XXYLT1: variants seen among roughly 807,000 people sequenced by gnomAD.
XXYLT1 encodes UDP-xylose:alpha-xyloside alpha-1,3-xylosyltransferase.
A neutral mutation model predicts 28.9 loss-of-function variants in XXYLT1; 20 were observed. The ratio of observed to expected loss-of-function variants is 0.69; its 90% CI spans 0.49 to 1.00. The LOEUF (loss-of-function observed/expected upper bound fraction) is 1.00. Among genes scored for constraint, XXYLT1 ranks in the 50% least tolerant of loss-of-function variants. The probability of loss-of-function intolerance (pLI) is 0.00; values close to 1 mark genes in which losing one functional copy is unlikely to be tolerated. For synonymous variants in XXYLT1, 257 were observed against 253.8 expected (o/e 1.01, Z -0.12); for missense variants, 542 against 560.1 (o/e 0.97, Z 0.33).
chr3:195,177,166 G>T (rs932787056), intron 2 of XXYLT1, among the ~76,000 whole-genome samples: 3 of 152,202 alleles, frequency 2.0e-5, no homozygotes, highest in African/African-American at 7.2e-5. Flanking sequence ...AGAATCACCT[G>T]CTCCCTTACA....
Position 195,161,173 on chromosome 3 carries a change from G to A in XXYLT1, c.653-4592C>T, listed in dbSNP as rs147881360. 3.5e-4 allele frequency among the ~76,000 whole-genome samples: 53 copies of A among 152,296 alleles called. No individual in the cohort carries two copies. The East Asian group carries it at 8.3e-3, about 24-fold the overall frequency. ...CCATGAACCTCCATCATGTCTCCTC[G>A]AGGTGGTGGTTAGTATCTTCCAGTT... is the stretch of plus-strand genomic sequence containing the variant. On this transcript the variant is annotated intron_variant, in intron 2 of 3. Transcript: ENST00000310380.
intron 2 of XXYLT1, among the ~76,000 whole-genome samples, chr3:195,181,126 G>C (rs1398286246): frequency 1.3e-5 from 2 of 152,200 alleles, no homozygotes; most frequent in East Asian, 3.9e-4. Context: ...TAATTTATTT[G>C]AGAAGTCGGT....
chr3:195,130,967 C>G (rs1289995140), intron 3 of XXYLT1, among the ~76,000 whole-genome samples: 3 of 152,164 alleles, frequency 2.0e-5, no homozygotes, highest in African/African-American at 7.2e-5. Flanking sequence ...GTCTGCTTAG[C>G]CTGAGACCTG....
rs1313895134 is a variant in XXYLT1, at chr3:195,129,771, C to T, written c.785+26678G>A. 6.6e-6 allele frequency among the ~76,000 whole-genome samples: 1 copy of T among 151,754 alleles called. No homozygotes were observed. Among genetic ancestry groups the T allele is most frequent in the Non-Finnish European group, 1.5e-5 (1 of 67,954 alleles). On this transcript the variant is annotated intron_variant, in intron 3 of 3. Transcript: ENST00000310380. The surrounding 1 kb of genome is among the most constrained non-coding windows in gnomAD (Gnocchi z 4.4). ...TTGGCTATTATGACTCATGCTGATA[C>T]GAACGTCCATTTGCATGTTAGTGTG...
At chr3:195,268,472 G>C (rs1179847514) in intron 1 of XXYLT1, among the ~76,000 whole-genome samples, 3 of 151,588 alleles carry the variant, frequency 2.0e-5, no homozygotes, top group Admixed American at 2.0e-4. Context: ...GTGGTGGTGG[G>C]CACCTGTAAT....
intron 3 of XXYLT1, among the ~76,000 whole-genome samples, chr3:195,119,073 T>C (rs9837397): frequency 0.55 from 82,424 of 150,952 alleles, 23,125 homozygotes; most frequent in Middle Eastern, 0.67. Context: ...GTCAGGAGTT[T>C]AAGACCAGCC....
chr3:195,085,646 CGT>C lies in XXYLT1; in HGVS notation c.786-15537_786-15536del, dbSNP rs147451892. On this transcript the variant is annotated intron_variant, in intron 3 of 3. Coordinates refer to ENST00000310380, the MANE Select transcript of XXYLT1 (RefSeq NM_152531.5). The stretch of plus-strand genomic sequence containing the variant: ...GCGGTGGGCAGCCGCGAGCCACAAC[CGT>C]GTCTGGTGACAATCCTAGTAGAGTT... Among the ~76,000 whole-genome samples the C allele has an allele frequency of 4.1e-3, 618 of 152,336 alleles. 5 individuals carry two copies. Among genetic ancestry groups the C allele is most frequent in the African/African-American group, 0.014 (597 of 41,586 alleles).
intron 3 of XXYLT1, among the ~76,000 whole-genome samples, chr3:195,107,179 AAAG>A (rs1023566337): frequency 1.3e-5 from 2 of 152,056 alleles, no homozygotes; most frequent in Non-Finnish European, 2.9e-5. Flanking sequence ...CGCCCTTCAA[AAAG>A]AAGAGAGGTG....
At chr3:195,270,483 G>C in intron 1 of XXYLT1, 72 bp downstream of exon 1, 1 of 1,348,392 alleles carries the variant, frequency 7.4e-7, no homozygotes, top group South Asian at 1.8e-5. Context: ...GATCCCCTCC[G>C]GGAGCGCAAA....
chr3:195,260,903 A>C (rs1725677951), intron 1 of XXYLT1, among the ~76,000 whole-genome samples: 1 of 152,108 alleles, frequency 6.6e-6, no homozygotes, highest in South Asian at 2.1e-4. Context: ...GTTCATATTG[A>C]ATGGATTTAT....
chr3:195,080,542 C>T (rs768526232), intron 3 of XXYLT1, among the ~76,000 whole-genome samples: 30 of 47,428 alleles, frequency 6.3e-4, no homozygotes, highest in African/African-American at 6.2e-4. Flanking sequence ...TTTAAGGGAG[C>T]GGGGGTGGGG....
chr3:195,245,145 T>C (rs1308049372), intron 1 of XXYLT1, among the ~76,000 whole-genome samples: 1 of 150,358 alleles, frequency 6.7e-6, no homozygotes, highest in Non-Finnish European at 1.5e-5. Context: ...CAGCCTTATG[T>C]GTAGCCCAAG....
At chr3:195,102,050 G>A (rs1716816991) in intron 3 of XXYLT1, among the ~76,000 whole-genome samples, 1 of 128,332 alleles carries the variant, frequency 7.8e-6, no homozygotes, top group African/African-American at 3.0e-5. Context: ...AGGAAGGGAG[G>A]AGAGGAGGAA....
In XXYLT1 at chr3:195,176,572, T is replaced by G. The variant is rs1721676287; in HGVS notation, c.653-19991A>C. Reference sequence around the variant, plus strand: ...CTCTGACACACTGGTATAATTTGATTAATTTATCGTGTTTATTAAGCTCCC... The same window carrying G: ...CTCTGACACACTGGTATAATTTGATGAATTTATCGTGTTTATTAAGCTCCC... On this transcript the variant is annotated intron_variant, in intron 2 of 3. Coordinates refer to ENST00000310380, the MANE Select transcript of XXYLT1 (RefSeq NM_152531.5). The surrounding 1 kb of genome is among the most constrained non-coding windows in gnomAD (Gnocchi z 4.9). Among the ~76,000 whole-genome samples the G allele has an allele frequency of 1.3e-5, 2 of 152,194 alleles. No homozygotes were observed. Among genetic ancestry groups the G allele is most frequent in the South Asian group, 4.1e-4 (2 of 4,826 alleles).
At chr3:195,226,558 G>T in intron 2 of XXYLT1, 151 bp downstream of exon 2, 2 of 983,970 alleles carry the variant, frequency 2.0e-6, no homozygotes, top group Non-Finnish European at 1.4e-6. Context: ...AAGCTCGGTG[G>T]TACAAAGGGC....
At chr3:195,175,716 G>A in intron 2 of XXYLT1, 3 of 1,536,054 alleles carry the variant, frequency 2.0e-6, no homozygotes, top group Middle Eastern at 3.3e-4. Flanking sequence ...AGTGCTGTGT[G>A]CAACTCTGGA....
intron 3 of XXYLT1, among the ~76,000 whole-genome samples, chr3:195,121,263 A>AGGTAGAAAT (rs1718345941): frequency 1.3e-5 from 2 of 152,204 alleles, no homozygotes; most frequent in African/African-American, 4.8e-5. Flanking sequence ...GAGGCCTTCC[A>AGGTAGAAAT]GGTAGAAATT....
intron 3 of XXYLT1, chr3:195,148,106 G>A (rs1165406778): frequency 6.6e-6 from 1 of 152,224 alleles, no homozygotes; most frequent in African/African-American, 2.4e-5. Flanking sequence ...GAGCCATCAG[G>A]TAAGAGACGG....
chr3:195,107,607 A>AGGGGG (rs1334378282), intron 3 of XXYLT1, among the ~76,000 whole-genome samples: 1 of 13,402 alleles, frequency 7.5e-5, no homozygotes, highest in Non-Finnish European at 1.2e-4. Flanking sequence ...GGGGAGGAGG[A>AGGGGG]AGGGGAGGAG....
Sources: gnomAD v4.1 joint callset for allele counts (sites outside exome capture counted in the v4.1 genomes callset) on GRCh38, gnomAD v4.1.1 for gene constraint, Gnocchi (gnomAD v3.1) non-coding constraint, MANE v1.5 for transcripts, NCBI Gene and HGNC (gene_info 2026-07-23, HGNC 2026-07-21) for gene names.